Variants in DTNA observed in about 807,000 individuals in gnomAD.
The protein encoded by DTNA is dystrophin-related protein 3.
A neutral mutation model predicts 100.7 loss-of-function variants in DTNA; 43 were observed. The ratio of observed to expected loss-of-function variants is 0.43; its 90% CI spans 0.33 to 0.55. DTNA has a LOEUF of 0.55. Ranked by LOEUF, DTNA falls within the 20% of genes least tolerant of loss-of-function variation. The pLI is 0.04. For missense variants in DTNA, 798 were observed against 953.9 expected (o/e 0.84, Z 2.15); for synonymous variants, 349 against 347.9 (o/e 1.00, Z -0.04).
intron 20 of DTNA, 124 bp from the exon 21 acceptor site, chr18:34,881,945 T>C: frequency 7.4e-7 from 1 of 1,350,280 alleles, no homozygotes; most frequent in Non-Finnish European, 1.1e-6. Context: ...AAAGAAGACA[T>C]GAAAGTGACT....
At chr18:34,693,584 T>C (rs1353448982) in intron 1 of DTNA, among the ~76,000 whole-genome samples, 1 of 152,190 alleles carries the variant, frequency 6.6e-6, no homozygotes, top group Non-Finnish European at 1.5e-5. Flanking sequence ...AAAATAAAGT[T>C]GATTTTTCTT....
intron 1 of DTNA, among the ~76,000 whole-genome samples, chr18:34,694,987 C>T (rs937928753): frequency 3.9e-5 from 6 of 152,234 alleles, no homozygotes; most frequent in Admixed American, 1.3e-4. Context: ...ATGAGTAGGA[C>T]GGAGCATGCC....
chr18:34,719,983 G>T (rs1186742415), intron 1 of DTNA, among the ~76,000 whole-genome samples: 2 of 152,152 alleles, frequency 1.3e-5, no homozygotes, highest in African/African-American at 2.4e-5. Context: ...TCCCTTCCAA[G>T]CTTGGTATTT....
At chr18:34,791,522 A>G (rs2094741797) in intron 3 of DTNA, among the ~76,000 whole-genome samples, 2 of 152,206 alleles carry the variant, frequency 1.3e-5, no homozygotes, top group Admixed American at 1.3e-4. Context: ...AAATAAATAA[A>G]TTTAGTTTAT....
intron 3 of DTNA, among the ~76,000 whole-genome samples, chr18:34,791,796 C>G (rs1602098696): frequency 6.6e-6 from 1 of 152,266 alleles, no homozygotes; most frequent in East Asian, 1.9e-4. Flanking sequence ...ACTTGTTCAT[C>G]TATAATGCAT....
chr18:34,671,486 G>A (rs563586445), intron 1 of DTNA, among the ~76,000 whole-genome samples: 9 of 152,154 alleles, frequency 5.9e-5, no homozygotes, highest in East Asian at 1.9e-4. Flanking sequence ...CATTGCTCAC[G>A]CTGGGAGCTG....
chr18:34,543,451 G>A (rs374878920), intron 1 of DTNA, among the ~76,000 whole-genome samples: 2 of 152,100 alleles, frequency 1.3e-5, no homozygotes, highest in East Asian at 1.9e-4. Flanking sequence ...AACACAGTGC[G>A]TTTGTTCTTG....
chr18:34,891,640 A>T lies in DTNA; in HGVS notation c.*3906A>T, dbSNP rs1038864173. ...TAATAGAAATACTATTCTGCTATTTATGGAAATCCTTATTATAATTGATAT... is the reference window on the plus strand; with the variant it reads ...TAATAGAAATACTATTCTGCTATTTTTGGAAATCCTTATTATAATTGATAT... On this transcript the variant is annotated 3_prime_UTR_variant, in exon 23 of 23. Coordinates refer to ENST00000444659, the MANE Select transcript of DTNA (RefSeq NM_001386795.1). 17 of 152,310 alleles carry T rather than the reference A, an allele frequency of 1.1e-4. No homozygotes were observed. The highest frequency in any genetic ancestry group is 3.6e-4 in the African/African-American group (15 of 41,552). The allele number at this position is 152,310 out of a possible 1,614,324, so 9.4% of individuals were successfully genotyped here. A position where few individuals can be genotyped will look rare whatever the true frequency, so the allele number is the denominator to read the frequency against.
At chr18:34,527,506 G>T (rs1469295546) in intron 1 of DTNA, among the ~76,000 whole-genome samples, 1 of 151,952 alleles carries the variant, frequency 6.6e-6, no homozygotes, top group African/African-American at 2.4e-5. Flanking sequence ...AAGTCCCTGT[G>T]CCTCCTACAG....
At chr18:34,665,844 C>A (rs797012801) in intron 1 of DTNA, among the ~76,000 whole-genome samples, 21 of 152,222 alleles carry the variant, frequency 1.4e-4, no homozygotes, top group African/African-American at 5.1e-4. Flanking sequence ...TGGGTTGGTT[C>A]CAAGTCTTTG....
intron 1 of DTNA, among the ~76,000 whole-genome samples, chr18:34,549,621 CAGTCCTGACAAAA>C (rs1272512038): frequency 6.6e-6 from 1 of 152,088 alleles, no homozygotes; most frequent in African/African-American, 2.4e-5. Context: ...AGACTCAACT[CAGTCCTGACAAAA>C]GACTTCTGTT....
chr18:34,796,704 G>T (rs866426445), intron 4 of DTNA, among the ~76,000 whole-genome samples: 1 of 152,114 alleles, frequency 6.6e-6, no homozygotes, highest in Non-Finnish European at 1.5e-5. Context: ...AAAAAGAAAG[G>T]CAGTATAGTG....
At chr18:34,569,715 G>T (rs1322982725) in intron 1 of DTNA, among the ~76,000 whole-genome samples, 4 of 152,282 alleles carry the variant, frequency 2.6e-5, no homozygotes, top group Admixed American at 2.0e-4. Flanking sequence ...TGATATTGCA[G>T]TGCACATCTG....
At chr18:34,534,300 T>A (rs2043460042) in intron 1 of DTNA, among the ~76,000 whole-genome samples, 1 of 152,116 alleles carries the variant, frequency 6.6e-6, no homozygotes, top group Non-Finnish European at 1.5e-5. Context: ...TATTGAGGCT[T>A]ATGTGCCAGT....
chr18:34,761,597 C>T (rs1247632455), intron 2 of DTNA, among the ~76,000 whole-genome samples: 1 of 152,172 alleles, frequency 6.6e-6, no homozygotes, highest in East Asian at 1.9e-4. Context: ...CTGTTGATAA[C>T]AGTGTAAACA....
chr18:34,567,752 A>T (rs1032650841), intron 1 of DTNA, among the ~76,000 whole-genome samples: 11 of 152,220 alleles, frequency 7.2e-5, no homozygotes, highest in African/African-American at 2.4e-4. Flanking sequence ...AGACTTCAGC[A>T]CATCTTAGAA....
At chr18:34,680,775 A>C (rs1031004088) in intron 1 of DTNA, among the ~76,000 whole-genome samples, 6 of 152,174 alleles carry the variant, frequency 3.9e-5, no homozygotes, top group African/African-American at 1.4e-4. Flanking sequence ...GCCTAGTGTA[A>C]CAGTTACTCT....
At chr18:34,685,920 C>T (rs879638410) in intron 1 of DTNA, among the ~76,000 whole-genome samples, 4 of 152,134 alleles carry the variant, frequency 2.6e-5, no homozygotes, top group Non-Finnish European at 5.9e-5. Flanking sequence ...GGAGTTTGCT[C>T]ATGATTTGGC....
intron 1 of DTNA, among the ~76,000 whole-genome samples, chr18:34,712,392 A>C (rs761047830): frequency 2.4e-4 from 36 of 152,036 alleles, no homozygotes; most frequent in Non-Finnish European, 4.6e-4. Context: ...TCTATTAAAT[A>C]AAATGAAAAA....
Sources: allele counts gnomAD v4.1 joint callset (sites outside exome capture counted in the v4.1 genomes callset), GRCh38; gene constraint gnomAD v4.1.1; transcripts MANE v1.5; gene names NCBI Gene and HGNC (gene_info 2026-07-23, HGNC 2026-07-21).